Variants in SYT16 observed in about 807,000 individuals in gnomAD.
SYT16 encodes the protein synaptotagmin 16.
SYT16 carries 42 observed loss-of-function variants against 61.4 expected under a neutral mutation model. The ratio of observed to expected loss-of-function variants is 0.68; its 90% CI spans 0.53 to 0.89. The LOEUF (loss-of-function observed/expected upper bound fraction) is 0.89, where lower values mean the gene tolerates loss of function less well. Among genes scored for constraint, SYT16 ranks in the 40% least tolerant of loss-of-function variants. The probability of loss-of-function intolerance (pLI) is 0.00; values close to 1 mark genes in which losing one functional copy is unlikely to be tolerated. For synonymous variants in SYT16, 314 were observed against 302.3 expected (o/e 1.04, Z -0.40); for missense variants, 804 against 807.3 (o/e 1.00, Z 0.05).
intron 5 of SYT16, among the ~76,000 whole-genome samples, chr14:62,077,301 C>T (rs1280968915): frequency 6.6e-6 from 1 of 152,206 alleles, no homozygotes; most frequent in Non-Finnish European, 1.5e-5. Flanking sequence ...TAAGGAAAAG[C>T]CCAGGATATT....
chr14:61,817,353 G>A (rs1006344103), intron 1 of SYT16, among the ~76,000 whole-genome samples: 1 of 151,510 alleles, frequency 6.6e-6, no homozygotes, highest in Non-Finnish European at 1.5e-5. Context: ...AGAAGGTAGA[G>A]GTTGCAGTGA....
At chr14:62,019,237 A>G (rs2053824745) in intron 3 of SYT16, among the ~76,000 whole-genome samples, 1 of 152,262 alleles carries the variant, frequency 6.6e-6, no homozygotes, top group South Asian at 2.1e-4. Flanking sequence ...TTAGCAGATC[A>G]TCTAGCAGAA....
chr14:61,858,871 T>C (rs1399804766), intron 1 of SYT16, among the ~76,000 whole-genome samples: 1 of 151,486 alleles, frequency 6.6e-6, no homozygotes, highest in African/African-American at 2.4e-5. Context: ...TTTTTTTTTT[T>C]TGAGACGGAG....
At chr14:61,981,742 A>G (rs1335564600) in intron 2 of SYT16, among the ~76,000 whole-genome samples, 1 of 152,092 alleles carries the variant, frequency 6.6e-6, no homozygotes, top group African/African-American at 2.4e-5. Context: ...ATTAGGTTCG[A>G]GGTTGGGAGG....
chr14:62,046,772 G>A (rs1288208745), intron 3 of SYT16, among the ~76,000 whole-genome samples: 1 of 152,060 alleles, frequency 6.6e-6, no homozygotes, highest in Non-Finnish European at 1.5e-5. Context: ...GTAGATATGT[G>A]GCATTATGTC....
intron 3 of SYT16, among the ~76,000 whole-genome samples, chr14:62,015,085 C>A (rs1258562827): frequency 6.6e-6 from 1 of 152,214 alleles, no homozygotes; most frequent in Non-Finnish European, 1.5e-5. Flanking sequence ...CATTCCCTCT[C>A]CCTGCCTTTT....
intron 1 of SYT16, among the ~76,000 whole-genome samples, chr14:61,932,435 G>A (rs752846106): frequency 7.9e-5 from 12 of 152,276 alleles, no homozygotes; most frequent in East Asian, 1.9e-4. Flanking sequence ...ACTTACAATC[G>A]TGGTGGAAGG....
intron 3 of SYT16, among the ~76,000 whole-genome samples, chr14:62,020,255 A>G (rs1382344759): frequency 6.6e-6 from 1 of 152,056 alleles, no homozygotes; most frequent in Non-Finnish European, 1.5e-5. Flanking sequence ...TTCTTAAAGA[A>G]TTTTTTCACC....
intron 1 of SYT16, among the ~76,000 whole-genome samples, chr14:61,876,314 G>A (rs1176491556): frequency 1.3e-5 from 2 of 152,150 alleles, no homozygotes; most frequent in East Asian, 1.9e-4. Flanking sequence ...CAGCTTCCTC[G>A]CACTCACGCT....
rs2057547977 is a variant in SYT16, at chr14:62,108,351, T to C, written c.*7644T>C. 1 of 152,202 alleles carries C rather than the reference T, an allele frequency of 6.6e-6. No individual in the cohort carries two copies. The allele number at this position is 152,202 out of a possible 1,614,324, so 9.4% of individuals were successfully genotyped here. A position where few individuals can be genotyped will look rare whatever the true frequency, so the allele number is the denominator to read the frequency against. ...AGTTGATAGTCCATAATAAAAAATG[T>C]ACATATCTTGTTTAAAAAAGACCTT... On this transcript the variant is annotated 3_prime_UTR_variant, in exon 8 of 8. Coordinates refer to ENST00000683842, the MANE Select transcript of SYT16 (RefSeq NM_001367656.1).
rs556451997 is a variant in SYT16 at position 62,014,562 on chromosome 14, T to C, written c.523+18020T>C. ...AATTCTTCTGCCTCAGCCTCCTAAG[T>C]AGCTGGGATTACAGGTGCCCACCAC... On this transcript the variant is annotated intron_variant, in intron 3 of 7. Transcript: ENST00000683842. Among the ~76,000 whole-genome samples the C allele has an allele frequency of 3.3e-5, 5 of 152,034 alleles. No individual in the cohort carries two copies. In the East Asian group the frequency reaches 9.8e-4, roughly 30 times the overall value.
Position 61,959,443 on chromosome 14 carries a change from T to A in SYT16, c.-324-10689T>A, listed in dbSNP as rs558559387. 2.6e-5 allele frequency among the ~76,000 whole-genome samples: 4 copies of A among 152,168 alleles called. No homozygotes were observed. The South Asian group carries it at 6.2e-4, about 24-fold the overall frequency. ...TCTACTGTACTTTTTTGTTATGGAG[T>A]TTACATTGAACAGTTTATAGTTATA... On this transcript the variant is annotated intron_variant, in intron 1 of 7. Transcript: ENST00000683842.
chr14:61,835,557 C>T (rs1000797598), intron 1 of SYT16, among the ~76,000 whole-genome samples: 3 of 151,604 alleles, frequency 2.0e-5, no homozygotes, highest in Admixed American at 2.0e-4. Flanking sequence ...TGCGCCCGGC[C>T]AGGTGACTTT....
At chr14:62,035,802 A>G (rs2054483919) in intron 3 of SYT16, among the ~76,000 whole-genome samples, 1 of 152,224 alleles carries the variant, frequency 6.6e-6, no homozygotes, top group African/African-American at 2.4e-5. Context: ...TTCATTCAAC[A>G]GATCCGTATT....
chr14:61,894,694 C>G (rs1428181704), intron 1 of SYT16, among the ~76,000 whole-genome samples: 1 of 152,118 alleles, frequency 6.6e-6, no homozygotes. Flanking sequence ...CCAGTGTGGT[C>G]TTCTCAGAGA....
chr14:61,832,088 G>A, intron 1 of SYT16: 1 of 728,324 alleles, frequency 1.4e-6, no homozygotes, highest in Non-Finnish European at 2.6e-6. Flanking sequence ...TCACGCCCCT[G>A]TTCATCTCAG....
Position 62,069,648 on chromosome 14 carries a change from G to A in SYT16, c.569G>A (p.Ser190Asn). The change falls in exon 4 of 8, where the codon AGT (serine) becomes AAT (asparagine). Residue 190 changes from serine (S) to asparagine (N), a missense_variant. Ser to Asn is a conservative substitution (Grantham distance 46, BLOSUM62 1). Transcript: ENST00000683842. ...DDEELSTSSD[S>N]DEEVIKQFEI... ...GAAGAGCTGTCCACATCTTCTGACA[G>A]TGACGAGGAGGTGATCAAACAATTT... The A allele has an allele frequency of 6.2e-7, 1 of 1,613,958 alleles. No individual in the cohort carries two copies.
chr14:62,029,536 C>T (rs1393507383), intron 3 of SYT16, among the ~76,000 whole-genome samples: 1 of 152,188 alleles, frequency 6.6e-6, no homozygotes, highest in Non-Finnish European at 1.5e-5. Context: ...TGTTACACTT[C>T]CTTTCGGGAG....
intron 2 of SYT16, among the ~76,000 whole-genome samples, chr14:61,979,464 C>T (rs2140556808): frequency 6.6e-6 from 1 of 152,280 alleles, no homozygotes; most frequent in Middle Eastern, 3.4e-3. Flanking sequence ...GGTTCCATCA[C>T]CTGCAGGTCT....
Sources: allele counts gnomAD v4.1 joint callset (sites outside exome capture counted in the v4.1 genomes callset), GRCh38; gene constraint gnomAD v4.1.1; transcripts MANE v1.5; gene names NCBI Gene and HGNC (gene_info 2026-07-23, HGNC 2026-07-21).